CAMK2D: variants seen among roughly 807,000 people sequenced by gnomAD.
CAMK2D encodes the protein calcium/calmodulin dependent protein kinase II delta.
Under a neutral mutation model 84.0 loss-of-function variants are expected in CAMK2D, and 37 were observed. The ratio of observed to expected loss-of-function variants is 0.44; its 90% CI spans 0.34 to 0.58. The LOEUF (loss-of-function observed/expected upper bound fraction) is 0.58, where lower values mean the gene tolerates loss of function less well. Ranked by LOEUF, CAMK2D falls within the 20% of genes least tolerant of loss-of-function variation. The pLI, the probability that CAMK2D is intolerant of heterozygous loss-of-function variation, is 0.02. For missense variants in CAMK2D, 448 were observed against 652.5 expected, an observed-to-expected ratio of 0.69 and a Z score of 3.41; for synonymous variants, 202 against 212.5, an observed-to-expected ratio of 0.95 and a Z score of 0.43.
chr4:113,641,936 G>A (rs2099133798), intron 3 of CAMK2D, among the ~76,000 whole-genome samples: 1 of 152,104 alleles, frequency 6.6e-6, no homozygotes, highest in African/African-American at 2.4e-5. Flanking sequence ...CTTGAACCCG[G>A]GAGGTGGAGG....
At chr4:113,578,332 A>G (rs557243552) in intron 4 of CAMK2D, among the ~76,000 whole-genome samples, 1 of 152,240 alleles carries the variant, frequency 6.6e-6, no homozygotes, top group East Asian at 1.9e-4. Context: ...GTCTCTCTAC[A>G]TATTTGGTTA....
In CAMK2D at chr4:113,720,366, T is replaced by TCACACA. The variant is rs70961845; in HGVS notation, c.160+38948_160+38953dup. 7.6e-3 allele frequency among the ~76,000 whole-genome samples: 1,137 copies of TCACACA among 148,652 alleles called. 5 individuals carry two copies. The highest frequency in any genetic ancestry group is 0.014 in the Middle Eastern group (4 of 294). On this transcript the variant is annotated intron_variant, in intron 2 of 20. Transcript: ENST00000511664. ...GTAAAGAAAATCAACAATCACATTCTCACACACACACACACACACACACAC... is the reference window on the plus strand; with the variant it reads ...GTAAAGAAAATCAACAATCACATTCTCACACACACACACACACACACACACACACAC...
chr4:113,726,546 T>A (rs1172324134), intron 2 of CAMK2D, among the ~76,000 whole-genome samples: 1 of 151,004 alleles, frequency 6.6e-6, no homozygotes, highest in African/African-American at 2.5e-5. Flanking sequence ...CATGCCTGGC[T>A]AATTTTTGTT....
chr4:113,505,369 A>C (rs2098115781), intron 13 of CAMK2D, among the ~76,000 whole-genome samples: 1 of 152,194 alleles, frequency 6.6e-6, no homozygotes, highest in Admixed American at 6.5e-5. Flanking sequence ...TTCAAGTTGG[A>C]TTCTGTTTCC....
intron 4 of CAMK2D, among the ~76,000 whole-genome samples, chr4:113,562,979 C>T (rs1013801672): frequency 3.3e-5 from 5 of 152,138 alleles, no homozygotes; most frequent in Admixed American, 6.5e-5. Context: ...GCATTCTGGC[C>T]GGGCACAGTG....
chr4:113,710,639 C>T (rs2099489308), intron 2 of CAMK2D, among the ~76,000 whole-genome samples: 1 of 152,110 alleles, frequency 6.6e-6, no homozygotes, highest in African/African-American at 2.4e-5. Flanking sequence ...AGTCTTAGAT[C>T]TTGTGTGTGG....
chr4:113,679,752 T>C lies in CAMK2D; in HGVS notation c.161-17980A>G, dbSNP rs79913150. Among the ~76,000 whole-genome samples the C allele has an allele frequency of 2.1e-4, 32 of 152,272 alleles. No homozygotes were observed. The East Asian group carries it at 5.8e-3, about 28-fold the overall frequency. ...GGAAATACGCAGCATACAACTTACT[T>C]TATCAGATCAACTTCATAGTAGGTG... On this transcript the variant is annotated intron_variant, in intron 2 of 20. Coordinates refer to ENST00000511664, the MANE Select transcript of CAMK2D (RefSeq NM_001321571.2).
Position 113,761,704 on chromosome 4 carries a change from C to G in CAMK2D, c.-636G>C. ...TTGGCGGCCTCGCGCTGCTCACGAG[C>G]CCGCGCGGCTTCAAGACGGCGCGGC... On this transcript the variant is annotated 5_prime_UTR_variant, in exon 1 of 21. Transcript: ENST00000511664. 2.1e-6 allele frequency: 2 copies of G among 963,740 alleles called. No individual in the cohort carries two copies. The highest frequency in any genetic ancestry group is 2.5e-6 in the Non-Finnish European group (2 of 810,272). 59.7% of individuals were successfully genotyped at this position (963,740 alleles called of 1,614,324 possible).
chr4:113,516,648 G>C (rs1464828598), intron 9 of CAMK2D, among the ~76,000 whole-genome samples: 1 of 152,060 alleles, frequency 6.6e-6, no homozygotes, highest in Non-Finnish European at 1.5e-5. Flanking sequence ...TATCAGAAAT[G>C]CATTGAAGAG....
In CAMK2D at chr4:113,743,432, G is replaced by A. The variant is rs78147101; in HGVS notation, c.160+15888C>T. Among the ~76,000 whole-genome samples the A allele has an allele frequency of 8.4e-3, 1,278 of 152,254 alleles. 17 individuals are homozygous for A. Among genetic ancestry groups the A allele is most frequent in the African/African-American group, 0.029 (1,196 of 41,542 alleles). On this transcript the variant is annotated intron_variant, in intron 2 of 20. Transcript: ENST00000511664. ...AGGCCTGTACCTGCTAATGATTCAG[G>A]TTGTTACTACTACTGCACAATGCTT...
intron 5 of CAMK2D, among the ~76,000 whole-genome samples, chr4:113,551,778 T>C (rs1202215798): frequency 6.6e-6 from 1 of 152,222 alleles, no homozygotes; most frequent in Non-Finnish European, 1.5e-5. Context: ...AATATATTGC[T>C]TTAGCAGAAG....
intron 2 of CAMK2D, among the ~76,000 whole-genome samples, chr4:113,664,570 G>T (rs1365869362): frequency 6.6e-6 from 1 of 152,148 alleles, no homozygotes; most frequent in Non-Finnish European, 1.5e-5. Context: ...TCAGTTCCTT[G>T]CATGTGCCAA....
chr4:113,669,400 G>A (rs1290051441), intron 2 of CAMK2D, among the ~76,000 whole-genome samples: 1 of 152,176 alleles, frequency 6.6e-6, no homozygotes, highest in Non-Finnish European at 1.5e-5. Flanking sequence ...GATGGGCTAA[G>A]GGGAATCTGA....
At chr4:113,476,327 C>G (rs2097617725) in intron 16 of CAMK2D, among the ~76,000 whole-genome samples, 1 of 152,134 alleles carries the variant, frequency 6.6e-6, no homozygotes, top group Non-Finnish European at 1.5e-5. Flanking sequence ...ATTATTTATA[C>G]TTCCCATTTT....
intron 1 of CAMK2D, among the ~76,000 whole-genome samples, chr4:113,760,530 A>C (rs1355173155): frequency 2.6e-5 from 4 of 152,100 alleles, no homozygotes; most frequent in African/African-American, 9.7e-5. Context: ...TAAATATGGC[A>C]CCGTCTGAGG....
At chr4:113,666,780 G>T (rs1430203845) in intron 2 of CAMK2D, among the ~76,000 whole-genome samples, 1 of 152,114 alleles carries the variant, frequency 6.6e-6, no homozygotes, top group Non-Finnish European at 1.5e-5. Flanking sequence ...CATGAAAAAT[G>T]GAATGTTTAA....
intron 3 of CAMK2D, among the ~76,000 whole-genome samples, chr4:113,655,780 A>AT (rs1385846286): frequency 1.3e-5 from 2 of 151,754 alleles, no homozygotes; most frequent in Admixed American, 1.3e-4. Flanking sequence ...AGTTCTCAAT[A>AT]TTTTTTCTTT....
intron 2 of CAMK2D, among the ~76,000 whole-genome samples, chr4:113,673,920 A>G (rs1250101012): frequency 6.6e-6 from 1 of 152,246 alleles, no homozygotes; most frequent in African/African-American, 2.4e-5. Flanking sequence ...AAATAAATAT[A>G]TTCAGTGGGA....
chr4:113,663,205 T>C (rs1241897571), intron 2 of CAMK2D, among the ~76,000 whole-genome samples: 1 of 152,204 alleles, frequency 6.6e-6, no homozygotes, highest in Non-Finnish European at 1.5e-5. Context: ...TATTTAGAAG[T>C]ATGCAAGCAA....
Sources: allele counts gnomAD v4.1 joint callset (sites outside exome capture counted in the v4.1 genomes callset), GRCh38; gene constraint gnomAD v4.1.1; transcripts MANE v1.5; gene names NCBI Gene and HGNC (gene_info 2026-07-23, HGNC 2026-07-21).